The following SPOCK3 variants were observed in gnomAD, a reference collection of about 807,000 sequenced individuals.
SPOCK3 encodes the protein testican-3.
SPOCK3 carries 30 observed loss-of-function variants against 56.6 expected under a neutral mutation model. The ratio of observed to expected loss-of-function variants is 0.53; its 90% CI spans 0.40 to 0.72. SPOCK3 has a LOEUF of 0.72. Among genes scored for constraint, SPOCK3 ranks in the 30% least tolerant of loss-of-function variants. SPOCK3 has a pLI of 0.00. For synonymous variants in SPOCK3, 196 were observed against 183.3 expected, an observed-to-expected ratio of 1.07 and a Z score of -0.56; for missense variants, 527 against 530.0, an observed-to-expected ratio of 0.99 and a Z score of 0.06.
chr4:166,949,172 G>A (rs28786387), intron 4 of SPOCK3, among the ~76,000 whole-genome samples: 22,260 of 151,982 alleles, frequency 0.15, 2,021 homozygotes, highest in Admixed American at 0.24. Context: ...CGTAGTTCTC[G>A]AGCCTTGGCT....
intron 3 of SPOCK3, among the ~76,000 whole-genome samples, chr4:167,057,503 A>C (rs1403767863): frequency 7.2e-5 from 11 of 152,054 alleles, no homozygotes; most frequent in Admixed American, 2.0e-4. Flanking sequence ...AATTGGATAA[A>C]GAGTCAAGAC....
chr4:167,056,984 T>C (rs1352297613), intron 3 of SPOCK3, among the ~76,000 whole-genome samples: 1 of 151,968 alleles, frequency 6.6e-6, no homozygotes, highest in Non-Finnish European at 1.5e-5. Context: ...CACATAATTG[T>C]CAGGTTCACC....
intron 6 of SPOCK3, among the ~76,000 whole-genome samples, chr4:166,809,297 A>C (rs925503617): frequency 6.6e-6 from 1 of 151,896 alleles, no homozygotes; most frequent in Non-Finnish European, 1.5e-5. Context: ...ACAGTTGGTC[A>C]GGAAATTCAG....
At position 167,131,615 on chromosome 4, in the gene SPOCK3, C is replaced by A. The variant is rs550792196; in HGVS notation, c.190-69078G>T. ...AAGACTCCGTCCCCCACAAAAAAAACCAAAACCAAACAACAACAACAAAAA... is the reference window on the plus strand; with the variant it reads ...AAGACTCCGTCCCCCACAAAAAAAAACAAAACCAAACAACAACAACAAAAA... On this transcript the variant is annotated intron_variant, in intron 2 of 10. Coordinates refer to ENST00000357545, the MANE Select transcript of SPOCK3 (RefSeq NM_001040159.2). Among the ~76,000 whole-genome samples the A allele has an allele frequency of 1.8e-4, 28 of 152,076 alleles. 1 individual carries two copies. The East Asian group carries it at 2.1e-3, about 12-fold the overall frequency.
chr4:167,045,549 T>C (rs1318377857), intron 3 of SPOCK3, among the ~76,000 whole-genome samples: 1 of 152,094 alleles, frequency 6.6e-6, no homozygotes, highest in Non-Finnish European at 1.5e-5. Flanking sequence ...GAATATTTAT[T>C]ATACTTCTGC....
At chr4:167,110,621 C>T (rs1347216858) in intron 2 of SPOCK3, among the ~76,000 whole-genome samples, 2 of 151,904 alleles carry the variant, frequency 1.3e-5, no homozygotes, top group African/African-American at 4.8e-5. Context: ...CATTTGCGTT[C>T]TATTTAATCA....
chr4:166,938,619 A>AT (rs1740718170), intron 4 of SPOCK3, among the ~76,000 whole-genome samples: 1 of 152,034 alleles, frequency 6.6e-6, no homozygotes, highest in African/African-American at 2.4e-5. Context: ...ATGGGGGAGA[A>AT]AAGAATAAAA....
At chr4:166,832,017 T>C (rs1746128731) in intron 6 of SPOCK3, among the ~76,000 whole-genome samples, 1 of 152,094 alleles carries the variant, frequency 6.6e-6, no homozygotes, top group Admixed American at 6.6e-5. Flanking sequence ...GCAAATGTTT[T>C]CTCCCATTCT....
chr4:167,205,166 T>A (rs1292156684), intron 2 of SPOCK3, among the ~76,000 whole-genome samples: 3 of 109,824 alleles, frequency 2.7e-5, no homozygotes, highest in African/African-American at 3.5e-5. Flanking sequence ...ATATATATAA[T>A]ATATATTATA....
intron 6 of SPOCK3, among the ~76,000 whole-genome samples, chr4:166,876,481 A>G (rs977271356): frequency 6.6e-6 from 1 of 152,194 alleles, no homozygotes; most frequent in Non-Finnish European, 1.5e-5. Flanking sequence ...ACATAAAAGT[A>G]AAAGCAGAAA....
chr4:167,155,544 G>A (rs1079310), intron 2 of SPOCK3, among the ~76,000 whole-genome samples: 95,722 of 152,004 alleles, frequency 0.63, 30,745 homozygotes, highest in South Asian at 0.7. Flanking sequence ...TAAAATTGCC[G>A]TGTAAAGCAG....
chr4:167,037,999 C>T lies in SPOCK3; in HGVS notation c.235+24493G>A, dbSNP rs1752913321. ...TCTGGGACAAGTACAATTCTATACA[C>T]TATCAACATGCGCAATTTTCAGGAG... is the stretch of plus-strand genomic sequence containing the variant. On this transcript the variant is annotated intron_variant, in intron 3 of 10. Transcript: ENST00000357545. 2.0e-5 allele frequency among the ~76,000 whole-genome samples: 3 copies of T among 152,036 alleles called. No homozygotes were observed. In the South Asian group the frequency reaches 6.2e-4, roughly 32 times the overall value.
chr4:167,208,034 C>A (rs1438519013), intron 2 of SPOCK3, among the ~76,000 whole-genome samples: 1 of 152,088 alleles, frequency 6.6e-6, no homozygotes, highest in Non-Finnish European at 1.5e-5. Context: ...ACTCAGGGCT[C>A]CATCTGATTT....
intron 4 of SPOCK3, among the ~76,000 whole-genome samples, chr4:166,937,390 C>T (rs948269604): frequency 6.7e-6 from 1 of 149,654 alleles, no homozygotes; most frequent in South Asian, 2.1e-4. Flanking sequence ...TACACACACA[C>T]GTATATATTA....
At chr4:166,963,105 A>T (rs1487052317) in intron 4 of SPOCK3, among the ~76,000 whole-genome samples, 4 of 151,946 alleles carry the variant, frequency 2.6e-5, no homozygotes. Context: ...TGCATCATCA[A>T]ATCTTAATTC....
At chr4:167,088,459 A>G (rs1479309584) in intron 2 of SPOCK3, among the ~76,000 whole-genome samples, 2 of 148,020 alleles carry the variant, frequency 1.4e-5, no homozygotes, top group African/African-American at 5.1e-5. Context: ...CACCTATGAA[A>G]ACTTTTTTTT....
At chr4:167,090,879 A>C (rs570947606) in intron 2 of SPOCK3, among the ~76,000 whole-genome samples, 1 of 152,326 alleles carries the variant, frequency 6.6e-6, no homozygotes, top group Non-Finnish European at 1.5e-5. Context: ...AAAGAACAAA[A>C]TTAACCAATA....
At chr4:166,914,968 T>C (rs1371540639) in intron 4 of SPOCK3, among the ~76,000 whole-genome samples, 3 of 152,220 alleles carry the variant, frequency 2.0e-5, no homozygotes, top group Non-Finnish European at 4.4e-5. Flanking sequence ...TACTTTAAGT[T>C]TTATGAGTGT....
At chr4:166,747,124 A>G (rs1299100369) in intron 8 of SPOCK3, among the ~76,000 whole-genome samples, 2 of 152,154 alleles carry the variant, frequency 1.3e-5, no homozygotes, top group Non-Finnish European at 2.9e-5. Context: ...ATCCTCCCTA[A>G]CTCATTTTAT....
Sources: allele counts gnomAD v4.1 joint callset (sites outside exome capture counted in the v4.1 genomes callset), GRCh38; gene constraint gnomAD v4.1.1; transcripts MANE v1.5; gene names NCBI Gene and HGNC (gene_info 2026-07-23, HGNC 2026-07-21).